Variants in ALDH1A1 observed in about 807,000 individuals in gnomAD.
ALDH1A1 encodes aldehyde dehydrogenase 1 family member A1, also known as aldehyde dehydrogenase 1A1.
ALDH1A1 carries 19 observed loss-of-function variants against 62.1 expected under a neutral mutation model. The observed-to-expected ratio is 0.31, with a 90% CI of 0.21 to 0.45. The LOEUF (loss-of-function observed/expected upper bound fraction) is 0.45, where lower values mean the gene tolerates loss of function less well. Among genes scored for constraint, ALDH1A1 ranks in the 20% least tolerant of loss-of-function variants. ALDH1A1 has a pLI of 1.00. For missense variants in ALDH1A1, 521 were observed against 607.1 expected, an observed-to-expected ratio of 0.86 and a Z score of 1.49; for synonymous variants, 231 against 215.9, an observed-to-expected ratio of 1.07 and a Z score of -0.61.
chr9:72,927,592 G>A (rs1159877955), intron 4 of ALDH1A1, among the ~76,000 whole-genome samples: 1 of 152,166 alleles, frequency 6.6e-6, no homozygotes, highest in African/African-American at 2.4e-5. Flanking sequence ...AAGGAAGTAG[G>A]AGGTCTCTGG....
intron 9 of ALDH1A1, among the ~76,000 whole-genome samples, chr9:72,912,770 C>T (rs191859064): frequency 1.3e-5 from 2 of 152,312 alleles, no homozygotes; most frequent in African/African-American, 4.8e-5. Context: ...TGAGCCACAT[C>T]TAACTATGTG....
intron 4 of ALDH1A1, among the ~76,000 whole-genome samples, 167 bp downstream of exon 4, chr9:72,928,723 ATT>A (rs1184706581): frequency 6.6e-6 from 1 of 152,220 alleles, no homozygotes; most frequent in Non-Finnish European, 1.5e-5. Flanking sequence ...CCTTTTATGA[ATT>A]TTAATAGAAC....
chr9:72,912,243 T>C (rs780323039), intron 9 of ALDH1A1, 121 bp from the exon 10 acceptor site: 9 of 728,118 alleles, frequency 1.2e-5, no homozygotes, highest in Non-Finnish European at 1.8e-5. Flanking sequence ...AAATATTGAA[T>C]CGAAACAGCT....
At position 72,943,481 on chromosome 9, in the gene ALDH1A1, C is replaced by T. The variant is rs547441003; in HGVS notation, c.67-3229G>A. ...AGCCAGTGAATGTTTTGTAAATGAG[C>T]ATTAACCTGAAGTAATAACACATGT... On this transcript the variant is annotated intron_variant, in intron 1 of 12. Coordinates refer to ENST00000297785, the MANE Select transcript of ALDH1A1 (RefSeq NM_000689.5). Among the ~76,000 whole-genome samples, 6 of 152,272 alleles carry T rather than the reference C, an allele frequency of 3.9e-5. No individual in the cohort carries two copies. The South Asian group carries it at 1.2e-3, about 32-fold the overall frequency.
At chr9:72,931,067 AGCAAATTTAAT>A (rs1340182037) in intron 2 of ALDH1A1, 48 bp from the exon 3 acceptor site, 1 of 1,609,706 alleles carries the variant, frequency 6.2e-7, no homozygotes, top group African/African-American at 1.3e-5. Context: ...ATATTAGGCA[AGCAAATTTAAT>A]GCCAATAACC....
chr9:72,911,724 T>C (rs1473727278), intron 10 of ALDH1A1, among the ~76,000 whole-genome samples: 1 of 152,226 alleles, frequency 6.6e-6, no homozygotes, highest in East Asian at 1.9e-4. Flanking sequence ...ACCTGAAAAT[T>C]GTTAAGCATC....
At chr9:72,948,977 G>A (rs571191299) in intron 1 of ALDH1A1, among the ~76,000 whole-genome samples, 11 of 151,866 alleles carry the variant, frequency 7.2e-5, no homozygotes, top group South Asian at 2.1e-4. Context: ...ACTTCAAATC[G>A]TGCCTGGGAC....
chr9:72,918,652 C>CA, intron 8 of ALDH1A1, 68 bp downstream of exon 8: 1 of 204,322 alleles, frequency 4.9e-6, no homozygotes, highest in Non-Finnish European at 9.2e-6. Context: ...AGTTCAAGTT[C>CA]ACTTTTGGCA....
intron 6 of ALDH1A1, 116 bp from the exon 7 acceptor site, chr9:72,924,248 A>G: frequency 1.6e-6 from 1 of 640,794 alleles, no homozygotes. Flanking sequence ...AGAAAAAAAT[A>G]ATTCACCCAA....
rs1554739413 is a variant in ALDH1A1 at position 72,908,544 on chromosome 9, A to AAAG, written c.1358+1057_1358+1058insCTT. 2.9e-3 allele frequency among the ~76,000 whole-genome samples: 153 copies of AAAG among 52,034 alleles called. 3 individuals carry two copies. Among genetic ancestry groups the AAAG allele is most frequent in the African/African-American group, 9.0e-3 (124 of 13,794 alleles). 34.1% of individuals were successfully genotyped at this position (52,034 alleles called of 152,430 possible). A position where few individuals can be genotyped will look rare whatever the true frequency, so the allele number is the denominator to read the frequency against. ...GAAAGAAAGAAAGAAAGAAAGAAAG[A>AAAG]AAAGAAAGAAGAAAGAAAGAAAGAA... On this transcript the variant is annotated intron_variant, in intron 11 of 12. Transcript: ENST00000297785.
At chr9:72,907,717 T>C (rs1260256107) in intron 11 of ALDH1A1, among the ~76,000 whole-genome samples, 3 of 152,220 alleles carry the variant, frequency 2.0e-5, no homozygotes, top group African/African-American at 7.2e-5. Context: ...TAATATTTAA[T>C]AGGATTGTTT....
rs1341206122 is a variant in ALDH1A1 at position 72,953,016 on chromosome 9, T to C, written c.-16A>G. The C allele has an allele frequency of 6.2e-7, 1 of 1,607,128 alleles. No homozygotes were observed. Among genetic ancestry groups the C allele is most frequent in the Non-Finnish European group, 8.5e-7 (1 of 1,179,144 alleles). On this transcript the variant is annotated 5_prime_UTR_variant, in exon 1 of 13. Transcript: ENST00000297785. Reference sequence around the variant, plus strand: ...AGGATGACATTTCTGATTCGGCTCCTGGAACACAGGTGACTGGCTCAGCAA... The same window carrying C: ...AGGATGACATTTCTGATTCGGCTCCCGGAACACAGGTGACTGGCTCAGCAA...
In ALDH1A1 at chr9:72,907,737, C is replaced by T. The variant is rs548621458; in HGVS notation, c.1359-1705G>A. ...TTTAATAGGATTGTTTCAAGGTATG[C>T]GTAAGATTGCGTGAATAGTATTCTT... On this transcript the variant is annotated intron_variant, in intron 11 of 12. Transcript: ENST00000297785. Among the ~76,000 whole-genome samples the T allele has an allele frequency of 4.6e-5, 7 of 152,232 alleles. No individual in the cohort carries two copies. In the South Asian group the frequency reaches 1.2e-3, roughly 27 times the overall value.
At position 72,927,149 on chromosome 9, in the gene ALDH1A1, A is replaced by G. The variant is rs770948430; in HGVS notation, c.471T>C (p.His157=). 3 of 1,608,378 alleles carry G rather than the reference A, an allele frequency of 1.9e-6. No homozygotes were observed. The South Asian group carries it at 3.3e-5, about 18-fold the overall frequency. ...IDGNFFTYTR[H]EPIGVCGQII... ...TTTGGCCACATACACCAATAGGTTC[A>G]TGTCTTGTATATGTAAAAAAATTTC... is the stretch of plus-strand genomic sequence containing the variant. Residue 157 remains histidine, a synonymous_variant, in exon 5 of 13, where the codon CAT becomes CAC. Coordinates refer to ENST00000297785, the MANE Select transcript of ALDH1A1 (RefSeq NM_000689.5).
rs1830072426 is a variant in ALDH1A1, at chr9:72,916,914, A to G, written c.1035+6T>C. The stretch of plus-strand genomic sequence containing the variant: ...GAAAATGCTATCCTTTCTATTTTAT[A>G]CTTACCTGAGGGCCTTGAGTGACTC... On this transcript the variant is annotated splice_donor_region_variant and intron_variant, in intron 9 of 12. Transcript: ENST00000297785. 1 of 1,600,650 alleles carries G rather than the reference A, an allele frequency of 6.2e-7. No individual in the cohort carries two copies. Among genetic ancestry groups the G allele is most frequent in the Non-Finnish European group, 8.5e-7 (1 of 1,173,342 alleles).
chr9:72,909,396 G>A (rs1322075386), intron 11 of ALDH1A1, among the ~76,000 whole-genome samples: 1 of 151,968 alleles, frequency 6.6e-6, no homozygotes, highest in Non-Finnish European at 1.5e-5. Flanking sequence ...TCAGTCAGCT[G>A]ATCCACCCAC....
intron 9 of ALDH1A1, among the ~76,000 whole-genome samples, chr9:72,914,152 TTGAA>T (rs1830028912): frequency 6.6e-6 from 1 of 152,196 alleles, no homozygotes; most frequent in Non-Finnish European, 1.5e-5. Context: ...TTTAAGGTGT[TTGAA>T]TGGGTAAATT....
chr9:72,921,429 A>G (rs1297939467), intron 7 of ALDH1A1, among the ~76,000 whole-genome samples: 2 of 150,838 alleles, frequency 1.3e-5, no homozygotes, highest in African/African-American at 2.4e-5. Context: ...TCCAGGGAGT[A>G]TGGAACTAAG....
At chr9:72,903,751 A>G (rs372943096) in intron 12 of ALDH1A1, among the ~76,000 whole-genome samples, 1 of 151,984 alleles carries the variant, frequency 6.6e-6, no homozygotes, top group African/African-American at 2.4e-5. Flanking sequence ...CCTTCACCTT[A>G]AAGTCTGACC....
Sources: allele counts gnomAD v4.1 joint callset (sites outside exome capture counted in the v4.1 genomes callset), GRCh38; gene constraint gnomAD v4.1.1; transcripts MANE v1.5; gene names NCBI Gene and HGNC (gene_info 2026-07-23, HGNC 2026-07-21).